Variants in PGD observed in about 807,000 individuals in gnomAD.
PGD encodes the protein 6-phosphogluconate dehydrogenase, decarboxylating.
Under a neutral mutation model 60.4 loss-of-function variants are expected in PGD, and 21 were observed. That is an observed-to-expected ratio of 0.35 (90% CI 0.25 to 0.50). The LOEUF is 0.50. Among genes scored for constraint, PGD ranks in the 20% least tolerant of loss-of-function variants. PGD has a pLI of 0.98. For synonymous variants in PGD, 230 were observed against 235.9 expected, an observed-to-expected ratio of 0.97 and a Z score of 0.23; for missense variants, 477 against 613.1, an observed-to-expected ratio of 0.78 and a Z score of 2.34.
Position 10,419,983 on chromosome 1 carries a change from A to C in PGD, c.*234A>C. ...AGCTGCTCATGTGCGTGAGAGTGGGAACCATCTCCTTGCGGCAGTGGCTTC... is the reference window on the plus strand; with the variant it reads ...AGCTGCTCATGTGCGTGAGAGTGGGCACCATCTCCTTGCGGCAGTGGCTTC... On this transcript the variant is annotated 3_prime_UTR_variant, in exon 13 of 13. Transcript: ENST00000270776. 1.9e-6 allele frequency: 1 copy of C among 524,822 alleles called. No homozygotes were observed. Among genetic ancestry groups the C allele is most frequent in the Non-Finnish European group, 3.4e-6 (1 of 291,754 alleles). The allele number at this position is 524,822 out of a possible 1,614,324, so 32.5% of individuals were successfully genotyped here. A position where few individuals can be genotyped will look rare whatever the true frequency, so the allele number is the denominator to read the frequency against.
chr1:10,407,702 T>C (rs1023397577), intron 5 of PGD, among the ~76,000 whole-genome samples: 2 of 152,108 alleles, frequency 1.3e-5, no homozygotes, highest in Admixed American at 1.3e-4. Context: ...TCCCAGCACA[T>C]TGGGTATCCA....
intron 8 of PGD, chr1:10,415,477 T>C (rs1307693113): frequency 6.6e-6 from 1 of 152,228 alleles, no homozygotes; most frequent in East Asian, 1.9e-4. Flanking sequence ...CACCCCCTGC[T>C]GGGAGCCATC....
chr1:10,413,201 A>G lies in PGD; in HGVS notation c.794A>G (p.Lys265Arg), dbSNP rs947756709. 3.1e-6 allele frequency: 5 copies of G among 1,614,084 alleles called. No homozygotes were observed. The highest frequency in any genetic ancestry group is 4.2e-6 in the Non-Finnish European group (5 of 1,180,042). ...AGCGCGGGGCAGAAGGGCACAGGGA[A>G]GTGGACCGCCATCTCCGCCCTGGAA... is the stretch of plus-strand genomic sequence containing the variant. Reference protein sequence around the residue: ...RDSAGQKGTGKWTAISALEYG... With the variant: ...RDSAGQKGTGRWTAISALEYG... Residue 265 changes from lysine (K) to arginine (R), a missense_variant, in exon 8 of 13, where the codon AAG becomes AGG. Physicochemically the swap from Lys to Arg is conservative, Grantham distance 26. Transcript: ENST00000270776.
chr1:10,400,482 G>A lies in PGD; in HGVS notation c.174G>A (p.Leu58=). 1 of 1,614,016 alleles carries A rather than the reference G, an allele frequency of 6.2e-7. No homozygotes were observed. The highest frequency in any genetic ancestry group is 2.2e-5 in the East Asian group (1 of 44,866). ...KGTKVVGAQS[L]KEMVSKLKKP... is the part of the protein sequence containing the mutation. ...CCAAAGTGGTGGGTGCCCAGTCCCT[G>A]AAAGAGATGGTCTCCAAGCTGAAGA... Residue 58 remains leucine, a synonymous_variant, in exon 3 of 13, where the codon CTG becomes CTA. Transcript: ENST00000270776.
intron 6 of PGD, among the ~76,000 whole-genome samples, chr1:10,410,434 T>C (rs552524442): frequency 1.7e-4 from 26 of 150,694 alleles, no homozygotes; most frequent in African/African-American, 6.4e-4. Flanking sequence ...AGAGCGAGAC[T>C]CCGTTTCAAA....
intron 7 of PGD, among the ~76,000 whole-genome samples, chr1:10,412,609 C>G (rs1639518117): frequency 6.6e-6 from 1 of 152,112 alleles, no homozygotes; most frequent in African/African-American, 2.4e-5. Flanking sequence ...TTACTATATG[C>G]CAAGCATGAT....
Position 10,400,452 on chromosome 1 carries a change from G to C in PGD, c.144G>C (p.Lys48Asn), listed in dbSNP as rs1639295381. The change falls in exon 3 of 13, where the codon AAG becomes AAC. Residue 48 changes from lysine to asparagine, a missense_variant. Lys to Asn is a moderately conservative substitution (Grantham distance 94). Coordinates refer to ENST00000270776, the MANE Select transcript of PGD (RefSeq NM_002631.4). ...ATGATTTCTTGGCCAATGAGGCAAA[G>C]GGAACCAAAGTGGTGGGTGCCCAGT... is the stretch of plus-strand genomic sequence containing the variant. ...KVDDFLANEA[K>N]GTKVVGAQSL... 6.2e-7 allele frequency: 1 copy of C among 1,613,880 alleles called. No individual in the cohort carries two copies.
At chr1:10,405,831 G>A (rs949270547) in intron 5 of PGD, among the ~76,000 whole-genome samples, 1 of 114,090 alleles carries the variant, frequency 8.8e-6, no homozygotes, top group African/African-American at 3.6e-5. Flanking sequence ...GCGAGACTCG[G>A]TCTCAGTAAA....
In PGD at chr1:10,411,444, C is replaced by G; in HGVS notation, c.546C>G (p.Phe182Leu). 6.2e-7 allele frequency: 1 copy of G among 1,613,780 alleles called. No individual in the cohort carries two copies. The highest frequency in any genetic ancestry group is 8.5e-7 in the Non-Finnish European group (1 of 1,179,958). ...TGGGAGATGAGGGAGCAGGCCACTT[C>G]GTGAAGATGGTGCACAACGGGATAG... is the stretch of plus-strand genomic sequence containing the variant. The part of the protein sequence containing the change: ...DWVGDEGAGH[F>L]VKMVHNGIEY... The change falls in exon 7 of 13, where the codon TTC becomes TTG. Residue 182 changes from phenylalanine to leucine, a missense_variant. Around this residue, in one of 3 missense-constraint regions of PGD, gnomAD observed 431 missense variants for 556.6 expected, o/e 0.77. Transcript: ENST00000270776.
chr1:10,419,340 C>A, intron 11 of PGD, 77 bp from the exon 12 acceptor site: 1 of 1,542,592 alleles, frequency 6.5e-7, no homozygotes, highest in Non-Finnish European at 8.7e-7. Flanking sequence ...TTCATTTACC[C>A]ACATTGATAT....
intron 8 of PGD, among the ~76,000 whole-genome samples, chr1:10,413,921 TAGC>T (rs1188332290): frequency 6.7e-6 from 1 of 149,726 alleles, no homozygotes; most frequent in East Asian, 2.0e-4. Context: ...AAAAAAAAAT[TAGC>T]AGGTGCCTGT....
chr1:10,413,121 T>C lies in PGD; in HGVS notation c.714T>C (p.Asn238=). The C allele has an allele frequency of 1.2e-6, 2 of 1,614,030 alleles. No individual in the cohort carries two copies. Among genetic ancestry groups the C allele is most frequent in the Middle Eastern group, 1.6e-4 (1 of 6,062 alleles). The change falls in exon 8 of 13, where the codon AAT becomes AAC. Residue 238 remains asparagine, a synonymous_variant. Coordinates refer to ENST00000270776, the MANE Select transcript of PGD (RefSeq NM_002631.4). The stretch of plus-strand genomic sequence containing the variant: ...CATTCCTGATTGAAATCACAGCCAA[T>C]ATTCTCAAGTTCCAAGACACCGATG... ...LDSFLIEITA[N]ILKFQDTDGK...
intron 8 of PGD, among the ~76,000 whole-genome samples, chr1:10,416,339 T>G (rs1216443142): frequency 1.3e-5 from 2 of 152,248 alleles, no homozygotes; most frequent in Non-Finnish European, 2.9e-5. Context: ...TGAATACTCA[T>G]GTTTGTATTG....
rs1639661859 is a variant in PGD at position 10,419,846 on chromosome 1, A to G, written c.*97A>G. 2.8e-6 allele frequency: 4 copies of G among 1,447,518 alleles called. No individual in the cohort carries two copies. The highest frequency in any genetic ancestry group is 1.9e-4 in the Middle Eastern group (1 of 5,218). The allele number at this position is 1,447,518 out of a possible 1,614,324, so 89.7% of individuals were successfully genotyped here. ...TGGCCCTTTGCCCTATTTTCTGTTC[A>G]GTTTTTTAAAAGTGTTGTAAGAGAC... On this transcript the variant is annotated 3_prime_UTR_variant, in exon 13 of 13. Transcript: ENST00000270776.
Position 10,408,112 on chromosome 1 carries a change from TG to T in PGD, c.494del (p.Gly165GlufsTer19), listed in dbSNP as rs1557761817. 18 of 1,606,664 alleles carry T rather than the reference TG, an allele frequency of 1.1e-5. No individual in the cohort carries two copies. Among genetic ancestry groups the T allele is most frequent in the Non-Finnish European group, 1.5e-5 (18 of 1,173,102 alleles). On this transcript the variant is annotated frameshift_variant, in exon 6 of 13. Transcript: ENST00000270776. LOFTEE classifies it high-confidence loss of function. Reference sequence around the variant, plus strand: ...ATCTTCCAAGGCATTGCTGCAAAAGTGGGAACTGGAGAACCCTGCTGTGACT... The same window carrying T: ...ATCTTCCAAGGCATTGCTGCAAAAGTGGAACTGGAGAACCCTGCTGTGACT... ...KTIFQGIAAK[V>X]GTGEPCCDWV... is the part of the protein sequence containing the mutation.
At position 10,403,076 on chromosome 1, in the gene PGD, A is replaced by G; in HGVS notation, c.270A>G (p.Pro90=). ...ATGCTGGTGTCTGGTTACAGGTACC[A>G]TTGTTGGATACTGGTGACATCATCA... ...AVDDFIEKLV[P]LLDTGDIIID... is the part of the protein sequence containing the mutation. The change falls in exon 4 of 13, where the codon CCA becomes CCG. Residue 90 remains proline, a synonymous_variant. Coordinates refer to ENST00000270776, the MANE Select transcript of PGD (RefSeq NM_002631.4). The G allele has an allele frequency of 6.2e-7, 1 of 1,606,820 alleles. No individual in the cohort carries two copies.
intron 5 of PGD, among the ~76,000 whole-genome samples, chr1:10,407,459 A>G (rs1639427160): frequency 6.6e-6 from 1 of 151,872 alleles, no homozygotes. Context: ...CTAAGAAGAC[A>G]TTTCTTCTGG....
intron 7 of PGD, among the ~76,000 whole-genome samples, chr1:10,412,313 A>G (rs1639513377): frequency 6.6e-6 from 1 of 152,210 alleles, no homozygotes; most frequent in Non-Finnish European, 1.5e-5. Context: ...GTGTCTTACC[A>G]TCTAGAATTT....
At chr1:10,404,047 T>G in intron 4 of PGD, 114 bp from the exon 5 acceptor site, 1 of 747,050 alleles carries the variant, frequency 1.3e-6, no homozygotes, top group Admixed American at 2.4e-5. Flanking sequence ...AGGCTCTCCA[T>G]TCCTATCTTA....
Sources: allele counts gnomAD v4.1 joint callset (sites outside exome capture counted in the v4.1 genomes callset), GRCh38; gene constraint gnomAD v4.1.1; regional missense constraint gnomAD v4.1.1; transcripts MANE v1.5; gene names NCBI Gene and HGNC (gene_info 2026-07-23, HGNC 2026-07-21).